The following ANKRD1 variants were observed in gnomAD, a reference collection of about 807,000 sequenced individuals.
The protein encoded by ANKRD1 is ankyrin repeat domain-containing protein 1.
ANKRD1 carries 32 observed loss-of-function variants against 40.1 expected under a neutral mutation model. The observed-to-expected ratio is 0.80, with a 90% CI of 0.60 to 1.07. The LOEUF is 1.07. Among genes scored for constraint, ANKRD1 ranks in the 50% least tolerant of loss-of-function variants. ANKRD1 has a pLI of 0.00. For synonymous variants in ANKRD1, 149 were observed against 141.2 expected (o/e 1.06, Z -0.39); for missense variants, 359 against 386.0 (o/e 0.93, Z 0.59).
intron 1 of ANKRD1, 47 bp downstream of exon 1, chr10:90,920,954 C>T: frequency 6.3e-7 from 1 of 1,580,534 alleles, no homozygotes; most frequent in Non-Finnish European, 8.7e-7. Context: ...AAATAAAAAC[C>T]AAGATGAACC....
At chr10:90,913,011 G>T in intron 8 of ANKRD1, 35 bp from the exon 9 acceptor site, 1 of 1,569,834 alleles carries the variant, frequency 6.4e-7, no homozygotes, top group Non-Finnish European at 8.8e-7. Flanking sequence ...TGACTTTCAG[G>T]TGGGTGACAT....
intron 4 of ANKRD1, among the ~76,000 whole-genome samples, chr10:90,918,376 G>C (rs576883435): frequency 6.6e-6 from 1 of 152,082 alleles, no homozygotes; most frequent in African/African-American, 2.4e-5. Context: ...AACTTTAGGC[G>C]TTATTTCACT....
intron 5 of ANKRD1, 28 bp from the exon 6 acceptor site, chr10:90,916,297 G>A (rs769158987): frequency 4.3e-5 from 67 of 1,542,782 alleles, no homozygotes; most frequent in Non-Finnish European, 5.6e-5. Context: ...ACCCGACAAT[G>A]TGAAGGAGAA....
intron 8 of ANKRD1, 99 bp downstream of exon 8, chr10:90,915,444 C>T: frequency 9.6e-7 from 1 of 1,037,726 alleles, no homozygotes; most frequent in Non-Finnish European, 1.5e-6. Flanking sequence ...ATCGAAGACC[C>T]CTCAAATACT....
At position 90,912,996 on chromosome 10, in the gene ANKRD1, A is replaced by C. The variant is rs1476657334; in HGVS notation, c.850-20T>G. ...CCCAGCCTAATCAAATGAGATAAGGAAAGTTGACTTTCAGGTGGGTGACAT... is the reference window on the plus strand; with the variant it reads ...CCCAGCCTAATCAAATGAGATAAGGCAAGTTGACTTTCAGGTGGGTGACAT... On this transcript the variant is annotated intron_variant, in intron 8 of 8. Transcript: ENST00000371697. 1.9e-6 allele frequency: 3 copies of C among 1,608,474 alleles called. No homozygotes were observed. Among genetic ancestry groups the C allele is most frequent in the African/African-American group, 1.3e-5 (1 of 74,920 alleles).
chr10:90,915,181 T>A (rs1847356192), intron 8 of ANKRD1, among the ~76,000 whole-genome samples: 1 of 152,204 alleles, frequency 6.6e-6, no homozygotes, highest in African/African-American at 2.4e-5. Flanking sequence ...GTGGATGCCT[T>A]TATTTCTAAC....
rs749097544 is a variant in ANKRD1 at position 90,920,490 on chromosome 10, C to T, written c.28-142G>A. 3.7e-5 allele frequency: 31 copies of T among 846,340 alleles called. 1 individual carries two copies. The highest frequency in any genetic ancestry group is 1.5e-4 in the South Asian group (11 of 72,420). The allele number at this position is 846,340 out of a possible 1,614,324, so 52.4% of individuals were successfully genotyped here. ...CAGTGCACTCTCAGATCTCAAGCTG[C>T]GATGCACACTGCTACAATTGTCCCA... is the stretch of plus-strand genomic sequence containing the variant. On this transcript the variant is annotated intron_variant, in intron 1 of 8. Coordinates refer to ENST00000371697, the MANE Select transcript of ANKRD1 (RefSeq NM_014391.3).
intron 1 of ANKRD1, 72 bp from the exon 2 acceptor site, chr10:90,920,420 C>T (rs1241263348): frequency 1.9e-6 from 3 of 1,577,032 alleles, no homozygotes; most frequent in Non-Finnish European, 1.7e-6. Flanking sequence ...GACAATGCCG[C>T]AGGAGGCTCT....
intron 5 of ANKRD1, among the ~76,000 whole-genome samples, chr10:90,917,285 C>A (rs951945701): frequency 2.6e-5 from 4 of 152,168 alleles, no homozygotes; most frequent in African/African-American, 9.7e-5. Flanking sequence ...TCCATAGATG[C>A]AATTCATTTC....
Position 90,916,156 on chromosome 10 carries a change from GAGA to G in ANKRD1, c.651+12_651+14del, listed in dbSNP as rs745904223. Reference sequence around the variant, plus strand: ...GGGAGGGGGTGAATGAAGGGAGAAGGAGAAGAAGGAATACCTTATCTCGGGCGC... The same window carrying G: ...GGGAGGGGGTGAATGAAGGGAGAAGGAGAAGGAATACCTTATCTCGGGCGC... On this transcript the variant is annotated intron_variant, in intron 6 of 8. Coordinates refer to ENST00000371697, the MANE Select transcript of ANKRD1 (RefSeq NM_014391.3). 4 of 1,595,026 alleles carry G rather than the reference GAGA, an allele frequency of 2.5e-6. No homozygotes were observed. The highest frequency in any genetic ancestry group is 2.2e-5 in the East Asian group (1 of 44,708).
rs1847359844 is a variant in ANKRD1 at position 90,915,593 on chromosome 10, T to C, written c.799A>G (p.Met267Val). ...HDAVRLNRYK[M>V]IRLLIMYGAD... is the part of the protein sequence containing the mutation. ...CCATACATAATCAGGAGTCGGATCATCTTATAGCGGTTCAGTCTCACCGCA... is the reference window on the plus strand; with the variant it reads ...CCATACATAATCAGGAGTCGGATCACCTTATAGCGGTTCAGTCTCACCGCA... The change falls in exon 8 of 9, where the codon ATG (methionine) becomes GTG (valine). Residue 267 changes from methionine (M) to valine (V), a missense_variant. Met to Val is a conservative substitution (Grantham distance 21). Coordinates refer to ENST00000371697, the MANE Select transcript of ANKRD1 (RefSeq NM_014391.3). 1 of 1,614,036 alleles carries C rather than the reference T, an allele frequency of 6.2e-7. No homozygotes were observed. Among genetic ancestry groups the C allele is most frequent in the South Asian group, 1.1e-5 (1 of 91,076 alleles).
intron 8 of ANKRD1, among the ~76,000 whole-genome samples, chr10:90,914,719 C>CG: frequency 2.4e-5 from 1 of 41,846 alleles, no homozygotes; most frequent in African/African-American, 9.8e-5. Flanking sequence ...CTGAGTTTCC[C>CG]TCCCCCCCCC....
intron 5 of ANKRD1, among the ~76,000 whole-genome samples, chr10:90,916,599 T>G (rs1034229012): frequency 2.0e-5 from 3 of 152,168 alleles, no homozygotes; most frequent in Non-Finnish European, 4.4e-5. Flanking sequence ...AGGTAGGTGT[T>G]GCTATGCACA....
chr10:90,914,811 A>G (rs1020589263), intron 8 of ANKRD1, among the ~76,000 whole-genome samples: 2 of 140,764 alleles, frequency 1.4e-5, no homozygotes, highest in African/African-American at 5.4e-5. Flanking sequence ...CCTCTGGGCA[A>G]TATTTTTTAA....
At chr10:90,913,334 C>A (rs1847337576) in intron 8 of ANKRD1, among the ~76,000 whole-genome samples, 1 of 152,172 alleles carries the variant, frequency 6.6e-6, no homozygotes, top group Non-Finnish European at 1.5e-5. Context: ...TGGGAGCATG[C>A]CTCTTGGACC....
intron 5 of ANKRD1, 22 bp from the exon 6 acceptor site, chr10:90,916,291 G>C (rs1342248483): frequency 6.4e-7 from 1 of 1,569,160 alleles, no homozygotes. Context: ...GGGAAGACCC[G>C]ACAATGTGAA....
intron 8 of ANKRD1, among the ~76,000 whole-genome samples, chr10:90,913,994 C>G (rs985548297): frequency 6.6e-6 from 1 of 152,106 alleles, no homozygotes; most frequent in Admixed American, 6.5e-5. Flanking sequence ...GGCCATCTGC[C>G]CGGCACAGTG....
chr10:90,913,263 T>C lies in ANKRD1; in HGVS notation c.850-287A>G, dbSNP rs112911786. On this transcript the variant is annotated intron_variant, in intron 8 of 8. Coordinates refer to ENST00000371697, the MANE Select transcript of ANKRD1 (RefSeq NM_014391.3). ...TGTGTCAAGAGCACCTCAAGTCATTTTGAAATTTATAAAATGTCTCCATAC... is the reference window on the plus strand; with the variant it reads ...TGTGTCAAGAGCACCTCAAGTCATTCTGAAATTTATAAAATGTCTCCATAC... Among the ~76,000 whole-genome samples the C allele has an allele frequency of 0.011, 1,735 of 152,348 alleles. 34 individuals carry two copies. Among genetic ancestry groups the C allele is most frequent in the African/African-American group, 0.039 (1,635 of 41,572 alleles).
rs557031821 is a variant in ANKRD1 at position 90,915,479 on chromosome 10, A to G, written c.849+64T>C. On this transcript the variant is annotated intron_variant, in intron 8 of 8. Transcript: ENST00000371697. ...TGCCATTGTGGGAGTCGTTTCACCT[A>G]TTTAAGAAATGCTCCTGGAAATTGG... 1.2e-5 allele frequency: 17 copies of G among 1,454,216 alleles called. No homozygotes were observed. In the Middle Eastern group the frequency reaches 5.2e-4, roughly 44 times the overall value. The allele number at this position is 1,454,216 out of a possible 1,614,324, so 90.1% of individuals were successfully genotyped here. A position where few individuals can be genotyped will look rare whatever the true frequency, so the allele number is the denominator to read the frequency against.
Sources: allele counts gnomAD v4.1 joint callset (sites outside exome capture counted in the v4.1 genomes callset), GRCh38; gene constraint gnomAD v4.1.1; transcripts MANE v1.5; gene names NCBI Gene and HGNC (gene_info 2026-07-23, HGNC 2026-07-21).